The following AIG1 variants were observed in gnomAD, a reference collection of about 807,000 sequenced individuals.
The protein encoded by AIG1 is androgen-induced gene 1 protein.
In AIG1, 23 loss-of-function variants were observed where a neutral mutation model predicts 31.4. The observed-to-expected ratio is 0.73, with a 90% CI of 0.53 to 1.04. AIG1 has a LOEUF of 1.04. Ranked by LOEUF, AIG1 falls within the 50% of genes least tolerant of loss-of-function variation. The pLI is 0.00. For synonymous variants in AIG1, 100 were observed against 110.5 expected (o/e 0.90, Z 0.60); for missense variants, 274 against 295.0 (o/e 0.93, Z 0.52).
chr6:143,341,571 TAC>T (rs1266685748), downstream of AIG1, among the ~76,000 whole-genome samples: 1 of 152,128 alleles, frequency 6.6e-6, no homozygotes, highest in Admixed American at 6.5e-5. Flanking sequence ...GGAATGTACA[TAC>T]ACAGAGGAAA....
intron 3 of AIG1, among the ~76,000 whole-genome samples, chr6:143,251,367 T>C (rs1204435302): frequency 6.6e-6 from 1 of 152,188 alleles, no homozygotes; most frequent in African/African-American, 2.4e-5. Context: ...TTGTTTTAAA[T>C]GACCCAAGCT....
chr6:143,246,867 C>T (rs185312009), intron 3 of AIG1, among the ~76,000 whole-genome samples: 78 of 152,214 alleles, frequency 5.1e-4, no homozygotes, highest in African/African-American at 1.9e-4. Flanking sequence ...AAAACACTCT[C>T]GGCTTCAAAA....
intron 5 of AIG1, among the ~76,000 whole-genome samples, chr6:143,336,344 C>T (rs1777490198): frequency 6.6e-6 from 1 of 152,136 alleles, no homozygotes; most frequent in African/African-American, 2.4e-5. Flanking sequence ...TGGAAATCAT[C>T]GAAACCGACC....
intron 3 of AIG1, chr6:143,188,911 C>G (rs944811921): frequency 1.0e-6 from 1 of 984,388 alleles, no homozygotes; most frequent in Non-Finnish European, 1.2e-6. Flanking sequence ...AAAATTAATG[C>G]GTTTTTTTCT....
At chr6:143,188,340 G>C (rs180709209) in intron 3 of AIG1, 1 of 985,596 alleles carries the variant, frequency 1.0e-6, no homozygotes, top group East Asian at 1.1e-4. Context: ...TTTACTGAGC[G>C]ATGTATTTAT....
At chr6:143,161,640 A>T (rs1786393235) in intron 2 of AIG1, among the ~76,000 whole-genome samples, 1 of 151,798 alleles carries the variant, frequency 6.6e-6, no homozygotes, top group Non-Finnish European at 1.5e-5. Context: ...TTTCAAAATC[A>T]ACTGATATAA....
chr6:143,309,593 G>A (rs1243426631), intron 4 of AIG1, among the ~76,000 whole-genome samples: 3 of 151,912 alleles, frequency 2.0e-5, no homozygotes, highest in Non-Finnish European at 4.4e-5. Flanking sequence ...AGAAAGAAAT[G>A]CCCAGTGCAA....
intron 3 of AIG1, among the ~76,000 whole-genome samples, chr6:143,191,518 G>C (rs1789790368): frequency 6.6e-6 from 1 of 152,036 alleles, no homozygotes; most frequent in African/African-American, 2.4e-5. Context: ...TATTTTCTTG[G>C]ATCTCATTAC....
At chr6:143,187,832 A>G (rs1789411264) in intron 3 of AIG1, 1 of 1,464,854 alleles carries the variant, frequency 6.8e-7, no homozygotes, top group Non-Finnish European at 9.0e-7. Flanking sequence ...GCCTTCAAGA[A>G]GTGCCATTTC....
downstream of AIG1, chr6:143,343,520 T>TC: frequency 4.5e-6 from 1 of 220,468 alleles, no homozygotes; most frequent in South Asian, 9.6e-5. Flanking sequence ...TTCAGCTGTG[T>TC]CCCCGGGTCC....
At chr6:143,108,478 C>T (rs972181384) in intron 1 of AIG1, among the ~76,000 whole-genome samples, 1 of 152,150 alleles carries the variant, frequency 6.6e-6, no homozygotes, top group Non-Finnish European at 1.5e-5. Context: ...CTGATCTAAC[C>T]TCTGTTTCTA....
intron 2 of AIG1, among the ~76,000 whole-genome samples, chr6:143,155,707 T>C (rs1785679420): frequency 1.3e-5 from 2 of 152,150 alleles, no homozygotes; most frequent in Admixed American, 6.5e-5. Flanking sequence ...GCTGCAATTA[T>C]AAAACGCACA....
intron 4 of AIG1, among the ~76,000 whole-genome samples, chr6:143,307,841 A>C (rs1799457811): frequency 6.6e-6 from 1 of 152,162 alleles, no homozygotes; most frequent in Non-Finnish European, 1.5e-5. Context: ...GGCCTCCCTG[A>C]GCTGTGGTGG....
At position 143,262,097 on chromosome 6, in the gene AIG1, G is replaced by A. The variant is rs115893472; in HGVS notation, c.400-22013G>A. The stretch of plus-strand genomic sequence containing the variant: ...AATTGCTGCAGCTCAGCCCATGGAT[G>A]TTCAGTGAAATAAATAACAGAAAGC... On this transcript the variant is annotated intron_variant, in intron 3 of 5. Transcript: ENST00000357847. Among the ~76,000 whole-genome samples, 860 of 152,346 alleles carry A rather than the reference G, an allele frequency of 5.6e-3. 10 individuals carry two copies. Among genetic ancestry groups the A allele is most frequent in the African/African-American group, 0.02 (816 of 41,574 alleles).
In AIG1 at chr6:143,280,313, C is replaced by T. The variant is rs553796290; in HGVS notation, c.400-3797C>T. Among the ~76,000 whole-genome samples the T allele has an allele frequency of 5.9e-5, 9 of 152,274 alleles. No individual in the cohort carries two copies. Among genetic ancestry groups the T allele is most frequent in the Non-Finnish European group, 7.4e-5 (5 of 68,026 alleles). On this transcript the variant is annotated intron_variant, in intron 3 of 5. Transcript: ENST00000357847. This position sits in a 1 kb window ranked among gnomAD's most constrained non-coding sequence, Gnocchi z 4.1. Reference sequence around the variant, plus strand: ...CAACCCATTGTTGAAGGCAATATGACGATTCCTCAAAGAGCTAAAAGTAGA... The same window carrying T: ...CAACCCATTGTTGAAGGCAATATGATGATTCCTCAAAGAGCTAAAAGTAGA...
chr6:143,340,536 C>T lies in AIG1; in HGVS notation c.*860C>T, dbSNP rs185635268. Among the ~76,000 whole-genome samples the T allele has an allele frequency of 2.0e-5, 3 of 152,250 alleles. No individual in the cohort carries two copies. In the East Asian group the frequency reaches 5.8e-4, roughly 29 times the overall value. ...AGTACAGTGGCGTGATCTCAGCTCACGGCAAGCTCCGCTTCCCGGGTTCAT... is the reference window on the plus strand; with the variant it reads ...AGTACAGTGGCGTGATCTCAGCTCATGGCAAGCTCCGCTTCCCGGGTTCAT... On this transcript the variant is annotated 3_prime_UTR_variant, in exon 6 of 6. Coordinates refer to ENST00000357847, the MANE Select transcript of AIG1 (RefSeq NM_016108.4).
intron 1 of AIG1, among the ~76,000 whole-genome samples, chr6:143,077,320 A>C (rs941352673): frequency 6.6e-6 from 1 of 152,134 alleles, no homozygotes; most frequent in Non-Finnish European, 1.5e-5. Flanking sequence ...TTATGTTGAT[A>C]TTTCCCTCTG....
At chr6:143,102,734 C>A (rs1340930801) in intron 1 of AIG1, among the ~76,000 whole-genome samples, 1 of 151,606 alleles carries the variant, frequency 6.6e-6, no homozygotes, top group African/African-American at 2.4e-5. Flanking sequence ...TTTTGGTTAA[C>A]AGATAACTGA....
At position 143,256,623 on chromosome 6, in the gene AIG1, G is replaced by A. The variant is rs1795392211; in HGVS notation, c.400-27487G>A. Among the ~76,000 whole-genome samples the A allele has an allele frequency of 6.6e-6, 1 of 152,192 alleles. No homozygotes were observed. The highest frequency in any genetic ancestry group is 2.4e-5 in the African/African-American group (1 of 41,438). On this transcript the variant is annotated intron_variant, in intron 3 of 5. Transcript: ENST00000357847. The surrounding 1 kb of genome is among the most constrained non-coding windows in gnomAD (Gnocchi z 4.6). ...ATGGAACCGTTACAGCTGAAATAGG[G>A]TGGGAAAGGATCTTACTGAAATAAA...
Sources: allele counts gnomAD v4.1 joint callset (sites outside exome capture counted in the v4.1 genomes callset), GRCh38; gene constraint gnomAD v4.1.1; non-coding constraint Gnocchi (gnomAD v3.1); transcripts MANE v1.5; gene names NCBI Gene and HGNC (gene_info 2026-07-23, HGNC 2026-07-21).